BRIP1: variants seen among roughly 807,000 people sequenced by gnomAD.
BRIP1 encodes Fanconi anemia group J protein.
A neutral mutation model predicts 119.7 loss-of-function variants in BRIP1; 88 were observed. That is an observed-to-expected ratio of 0.74 (90% CI 0.62 to 0.88). The LOEUF (loss-of-function observed/expected upper bound fraction) is 0.88, where lower values mean the gene tolerates loss of function less well. Ranked by LOEUF, BRIP1 falls within the 40% of genes least tolerant of loss-of-function variation. The probability of loss-of-function intolerance (pLI) is 0.00; values close to 1 mark genes in which losing one functional copy is unlikely to be tolerated. For missense variants in BRIP1, 1,259 were observed against 1,455.4 expected (o/e 0.87, Z 2.20); for synonymous variants, 443 against 496.5 (o/e 0.89, Z 1.43).
chr17:61,684,114 C>T lies in BRIP1; in HGVS notation c.2932G>A (p.Gly978Arg), dbSNP rs2061326304. The T allele has an allele frequency of 1.2e-6, 2 of 1,613,598 alleles. No individual in the cohort carries two copies. The highest frequency in any genetic ancestry group is 2.2e-5 in the South Asian group (2 of 90,890). ...GAAATCACAATTTTTTCTGCTTTCCCTGCTTCTTCCAGGAATACTGGATCA... is the reference window on the plus strand; with the variant it reads ...GAAATCACAATTTTTTCTGCTTTCCTTGCTTCTTCCAGGAATACTGGATCA... Reference protein sequence around the residue: ...KNDPVFLEEAGKAEKIVISRS... With the variant: ...KNDPVFLEEARKAEKIVISRS... Residue 978 changes from glycine (G) to arginine (R), a missense_variant, in exon 20 of 20, where the codon GGG (glycine) becomes AGG (arginine). Coordinates refer to ENST00000259008, the MANE Select transcript of BRIP1 (RefSeq NM_032043.3). This position sits in a 1 kb window ranked among gnomAD's most constrained non-coding sequence, Gnocchi z 4.5.
chr17:61,736,813 T>C lies in BRIP1; in HGVS notation c.2379+6200A>G, dbSNP rs2076924866. Among the ~76,000 whole-genome samples the C allele has an allele frequency of 6.6e-6, 1 of 152,122 alleles. No individual in the cohort carries two copies. Among genetic ancestry groups the C allele is most frequent in the South Asian group, 2.1e-4 (1 of 4,832 alleles). On this transcript the variant is annotated intron_variant, in intron 16 of 19. Coordinates refer to ENST00000259008, the MANE Select transcript of BRIP1 (RefSeq NM_032043.3). This position sits in a 1 kb window ranked among gnomAD's most constrained non-coding sequence, Gnocchi z 4.4. ...CCATGAAACAGATTATAAAACATCT[T>C]TATAAACACTAAATATGTGCTTTAG...
At chr17:61,727,984 A>G (rs1035744606) in intron 16 of BRIP1, among the ~76,000 whole-genome samples, 3 of 151,420 alleles carry the variant, frequency 2.0e-5, no homozygotes, top group African/African-American at 4.9e-5. Context: ...GTGTGCTATG[A>G]CGCCCGGCTA....
chr17:61,840,611 TAA>T (rs1211124525), intron 6 of BRIP1, among the ~76,000 whole-genome samples: 1 of 152,040 alleles, frequency 6.6e-6, no homozygotes, highest in Non-Finnish European at 1.5e-5. Flanking sequence ...ACCTTGTCTC[TAA>T]AAAAGTTAAC....
In BRIP1 at chr17:61,751,438, T is replaced by C. The variant is rs2109253; in HGVS notation, c.2098-6847A>G. ...GGTTGTACAACATCATGAATGTACT[T>C]GATGGCACTAAGTTGTACACTTAAA... On this transcript the variant is annotated intron_variant, in intron 14 of 19. Transcript: ENST00000259008. This position sits in a 1 kb window ranked among gnomAD's most constrained non-coding sequence, Gnocchi z 6.7. 0.99 allele frequency among the ~76,000 whole-genome samples: 150,563 copies of C among 152,258 alleles called. 74,465 individuals carry two copies. The highest frequency in any genetic ancestry group is 1 in the East Asian group (5,178 of 5,178).
In BRIP1 at chr17:61,692,953, G is replaced by A. The variant is rs377514777; in HGVS notation, c.2575+477C>T. Among the ~76,000 whole-genome samples, 10 of 152,208 alleles carry A rather than the reference G, an allele frequency of 6.6e-5. No individual in the cohort carries two copies. The East Asian group carries it at 1.7e-3, about 26-fold the overall frequency. On this transcript the variant is annotated intron_variant, in intron 18 of 19. Coordinates refer to ENST00000259008, the MANE Select transcript of BRIP1 (RefSeq NM_032043.3). Reference sequence around the variant, plus strand: ...GCAGCATTGTTCCCAATATCCATGAGGGGGAAACAACCTAAATGTCTACTG... The same window carrying A: ...GCAGCATTGTTCCCAATATCCATGAAGGGGAAACAACCTAAATGTCTACTG...
chr17:61,861,353 A>G lies in BRIP1; in HGVS notation c.93+94T>C. The G allele has an allele frequency of 1.2e-6, 1 of 846,692 alleles. No individual in the cohort carries two copies. Among genetic ancestry groups the G allele is most frequent in the Non-Finnish European group, 2.0e-6 (1 of 503,578 alleles). 52.4% of individuals were successfully genotyped at this position (846,692 alleles called of 1,614,324 possible). A position where few individuals can be genotyped will look rare whatever the true frequency, so the allele number is the denominator to read the frequency against. ...TGAACCCAGAAAATATTCTCCATTT[A>G]CTGAGAATATGAATGCAGTCAAATA... On this transcript the variant is annotated intron_variant, in intron 2 of 19. Transcript: ENST00000259008. This position sits in a 1 kb window ranked among gnomAD's most constrained non-coding sequence, Gnocchi z 4.5.
In BRIP1 at chr17:61,834,267, T is replaced by C. The variant is rs1297045103; in HGVS notation, c.627+12834A>G. Among the ~76,000 whole-genome samples, 2 of 152,106 alleles carry C rather than the reference T, an allele frequency of 1.3e-5. No homozygotes were observed. The highest frequency in any genetic ancestry group is 2.9e-5 in the Non-Finnish European group (2 of 68,024). On this transcript the variant is annotated intron_variant, in intron 6 of 19. Coordinates refer to ENST00000259008, the MANE Select transcript of BRIP1 (RefSeq NM_032043.3). This position sits in a 1 kb window ranked among gnomAD's most constrained non-coding sequence, Gnocchi z 4.4. ...GAGTATATATGTAATATATGTGTAA[T>C]ATATGTCATATATACTACATAACAA... is the stretch of plus-strand genomic sequence containing the variant.
Position 61,703,023 on chromosome 17 carries a change from C to T in BRIP1, c.2493-9511G>A, listed in dbSNP as rs367961286. 3.5e-5 allele frequency among the ~76,000 whole-genome samples: 5 copies of T among 144,682 alleles called. No homozygotes were observed. Among genetic ancestry groups the T allele is most frequent in the African/African-American group, 1.0e-4 (4 of 38,772 alleles). The allele number at this position is 144,682 out of a possible 152,430, so 94.9% of individuals were successfully genotyped here. ...TTAACGATAGCCATTCTGACTAGTG[C>T]GAGATGTTATCTCATTGTGTATGTA... On this transcript the variant is annotated intron_variant, in intron 17 of 19. Coordinates refer to ENST00000259008, the MANE Select transcript of BRIP1 (RefSeq NM_032043.3). This position sits in a 1 kb window ranked among gnomAD's most constrained non-coding sequence, Gnocchi z 5.0.
In BRIP1 at chr17:61,691,574, G is replaced by C. The variant is rs2061447177; in HGVS notation, c.2575+1856C>G. Among the ~76,000 whole-genome samples, 1 of 152,096 alleles carries C rather than the reference G, an allele frequency of 6.6e-6. No homozygotes were observed. Among genetic ancestry groups the C allele is most frequent in the Non-Finnish European group, 1.5e-5 (1 of 68,020 alleles). On this transcript the variant is annotated intron_variant, in intron 18 of 19. Coordinates refer to ENST00000259008, the MANE Select transcript of BRIP1 (RefSeq NM_032043.3). The surrounding 1 kb of genome is among the most constrained non-coding windows in gnomAD (Gnocchi z 5.0). ...AGGTTCAAGCCATTCTCCTGCCTCAGCCTCCAGAATAGTTGAGATTACAGG... is the reference window on the plus strand; with the variant it reads ...AGGTTCAAGCCATTCTCCTGCCTCACCCTCCAGAATAGTTGAGATTACAGG...
chr17:61,800,302 G>A (rs745428929), intron 8 of BRIP1, among the ~76,000 whole-genome samples: 1 of 152,128 alleles, frequency 6.6e-6, no homozygotes, highest in Non-Finnish European at 1.5e-5. Context: ...ACAGACAGCT[G>A]AAAAGTTGAG....
chr17:61,832,530 A>C lies in BRIP1; in HGVS notation c.627+14571T>G, dbSNP rs2078509209. 6.6e-6 allele frequency among the ~76,000 whole-genome samples: 1 copy of C among 152,234 alleles called. No individual in the cohort carries two copies. Among genetic ancestry groups the C allele is most frequent in the East Asian group, 1.9e-4 (1 of 5,198 alleles). On this transcript the variant is annotated intron_variant, in intron 6 of 19. Transcript: ENST00000259008. This position sits in a 1 kb window ranked among gnomAD's most constrained non-coding sequence, Gnocchi z 5.5. ...AACTGCGTGCCACCTTATAAGATGC[A>C]ATGAGCAGAAGGCATCACTTCTGTG... is the stretch of plus-strand genomic sequence containing the variant.
At position 61,681,045 on chromosome 17, in the gene BRIP1, G is replaced by A. The variant is rs1406181138; in HGVS notation, c.*2251C>T. On this transcript the variant is annotated 3_prime_UTR_variant, in exon 20 of 20. Transcript: ENST00000259008. This position sits in a 1 kb window ranked among gnomAD's most constrained non-coding sequence, Gnocchi z 5.1. ...GGCAGCAGGAGAGAAGAATGAGAGTGAAGCAGGGAAAAGCTCCTTATAAAA... is the reference window on the plus strand; with the variant it reads ...GGCAGCAGGAGAGAAGAATGAGAGTAAAGCAGGGAAAAGCTCCTTATAAAA... Among the ~76,000 whole-genome samples the A allele has an allele frequency of 6.6e-6, 1 of 152,132 alleles. No individual in the cohort carries two copies. Among genetic ancestry groups the A allele is most frequent in the Non-Finnish European group, 1.5e-5 (1 of 68,020 alleles).
chr17:61,750,232 C>A (rs1307148453), intron 14 of BRIP1, among the ~76,000 whole-genome samples: 2 of 152,146 alleles, frequency 1.3e-5, no homozygotes, highest in Non-Finnish European at 2.9e-5. Context: ...AAGTGTGCTG[C>A]ATTTTGTCAA....
chr17:61,858,748 C>T (rs964039638), intron 3 of BRIP1, among the ~76,000 whole-genome samples: 7 of 152,262 alleles, frequency 4.6e-5, no homozygotes, highest in African/African-American at 7.2e-5. Flanking sequence ...TACATACATA[C>T]ATACACATAC....
intron 18 of BRIP1, among the ~76,000 whole-genome samples, chr17:61,692,912 C>T (rs2061468666): frequency 6.6e-6 from 1 of 152,178 alleles, no homozygotes; most frequent in South Asian, 2.1e-4. Flanking sequence ...GAGATATCTG[C>T]ATTCCCATGT....
At position 61,843,724 on chromosome 17, in the gene BRIP1, C is replaced by A. The variant is rs2078689786; in HGVS notation, c.627+3377G>T. Among the ~76,000 whole-genome samples the A allele has an allele frequency of 6.6e-6, 1 of 152,132 alleles. No homozygotes were observed. The highest frequency in any genetic ancestry group is 6.5e-5 in the Admixed American group (1 of 15,272). ...CCCTCACCAGAAGCAGATGCTGACA[C>A]CATGCTTCCTGCACAGCCTACAGAA... On this transcript the variant is annotated intron_variant, in intron 6 of 19. Coordinates refer to ENST00000259008, the MANE Select transcript of BRIP1 (RefSeq NM_032043.3). The surrounding 1 kb of genome is among the most constrained non-coding windows in gnomAD (Gnocchi z 5.7).
chr17:61,782,837 T>C (rs1567815684), intron 11 of BRIP1, among the ~76,000 whole-genome samples: 2 of 152,274 alleles, frequency 1.3e-5, no homozygotes, highest in East Asian at 3.9e-4. Context: ...ATGGCTATTA[T>C]ACAAAAAATA....
intron 17 of BRIP1, among the ~76,000 whole-genome samples, chr17:61,698,917 A>G (rs896688483): frequency 6.6e-6 from 1 of 151,946 alleles, no homozygotes; most frequent in African/African-American, 2.4e-5. Context: ...GGGTTTCATC[A>G]TGTTACCTAG....
At chr17:61,685,559 T>TTC (rs1248018701) in intron 19 of BRIP1, 2 of 476,334 alleles carry the variant, frequency 4.2e-6, no homozygotes, top group Non-Finnish European at 7.4e-6. Context: ...CATTTTTTTT[T>TTC]TCCTATTACG....
Sources: allele counts gnomAD v4.1 joint callset (sites outside exome capture counted in the v4.1 genomes callset), GRCh38; gene constraint gnomAD v4.1.1; non-coding constraint Gnocchi (gnomAD v3.1); transcripts MANE v1.5; gene names NCBI Gene and HGNC (gene_info 2026-07-23, HGNC 2026-07-21).